The following PLA2G4E variants were observed in gnomAD, a reference collection of about 807,000 sequenced individuals.
PLA2G4E encodes the protein cytosolic phospholipase A2 epsilon.
A neutral mutation model predicts 109.1 loss-of-function variants in PLA2G4E; 84 were observed. The ratio of observed to expected loss-of-function variants is 0.77; its 90% confidence interval spans 0.65 to 0.92. PLA2G4E has a LOEUF of 0.92. PLA2G4E is among the 40% of genes least tolerant of loss of function. The pLI, the probability that PLA2G4E is intolerant of heterozygous loss-of-function variation, is 0.00. For synonymous variants in PLA2G4E, 469 were observed against 436.1 expected (o/e 1.08, Z -0.94); for missense variants, 1,057 against 1,076.6 (o/e 0.98, Z 0.25).
At chr15:41,987,069 T>C (rs1032940908) in intron 17 of PLA2G4E, 103 bp downstream of exon 17, 17 of 1,225,668 alleles carry the variant, frequency 1.4e-5, no homozygotes, top group Non-Finnish European at 1.9e-5. Flanking sequence ...CCAGTGAACA[T>C]AGCCAGAGAA....
intron 5 of PLA2G4E, among the ~76,000 whole-genome samples, chr15:42,003,821 C>T (rs2068444552): frequency 6.6e-6 from 1 of 152,230 alleles, no homozygotes; most frequent in Non-Finnish European, 1.5e-5. Context: ...GAACAAGCTG[C>T]CCAGTTACAG....
intron 1 of PLA2G4E, among the ~76,000 whole-genome samples, chr15:42,038,518 C>T (rs1393441084): frequency 3.3e-5 from 5 of 152,214 alleles, no homozygotes; most frequent in Non-Finnish European, 5.9e-5. Context: ...CTTGCATAGG[C>T]AGTTCAGAAT....
rs368387173 is a variant in PLA2G4E at position 41,984,639 on chromosome 15, G to C, written c.2203-20C>G. On this transcript the variant is annotated intron_variant, in intron 18 of 19. Coordinates refer to ENST00000399518, the Ensembl canonical transcript of PLA2G4E. ...CAGGGGCTGGAACAGCACAGAGGGC[G>C]TGTTTGAGCATTAGGAGGAGTGGGA... 5.8e-6 allele frequency: 9 copies of C among 1,555,336 alleles called. No homozygotes were observed. In the African/African-American group the frequency reaches 1.2e-4, roughly 21 times the overall value.
intron 1 of PLA2G4E, among the ~76,000 whole-genome samples, chr15:42,024,983 G>A (rs1200968020): frequency 6.6e-6 from 1 of 152,014 alleles, no homozygotes; most frequent in African/African-American, 2.4e-5. Context: ...GGTGGATCAC[G>A]AGGTCAGGAG....
chr15:42,019,028 A>G (rs2068622980), intron 1 of PLA2G4E, among the ~76,000 whole-genome samples: 1 of 152,182 alleles, frequency 6.6e-6, no homozygotes, highest in African/African-American at 2.4e-5. Context: ...GGAAGGCATC[A>G]TTATCCCTGC....
rs560472544 is a variant in PLA2G4E at position 42,043,386 on chromosome 15, G to A, written c.183+7135C>T. Among the ~76,000 whole-genome samples, 5 of 152,064 alleles carry A rather than the reference G, an allele frequency of 3.3e-5. No homozygotes were observed. In the East Asian group the frequency reaches 5.8e-4, roughly 18 times the overall value. ...GAGGAAGGTGGGCCTGTGGGCACCC[G>A]TAGGTCAGGACCTGTGGGTGGCCAT... is the stretch of plus-strand genomic sequence containing the variant. On this transcript the variant is annotated intron_variant, in intron 1 of 19. Coordinates refer to ENST00000399518, the Ensembl canonical transcript of PLA2G4E.
chr15:42,013,762 G>A lies in PLA2G4E; in HGVS notation c.184-5C>T, dbSNP rs2068561502. On this transcript the variant is annotated splice_region_variant and splice_polypyrimidine_tract_variant and intron_variant, in intron 1 of 19. Transcript: ENST00000399518. ...GTGGCATGGAGACAGCCCCTCCTGT[G>A]GAAGGAGAGGACAGAGGACTCAGTC... 6.5e-7 allele frequency: 1 copy of A among 1,549,192 alleles called. No homozygotes were observed.
intron 5 of PLA2G4E, among the ~76,000 whole-genome samples, chr15:42,003,901 C>A (rs2068446595): frequency 6.6e-6 from 1 of 151,984 alleles, no homozygotes; most frequent in African/African-American, 2.4e-5. Context: ...CCTTTCCTTG[C>A]TTTCCTTCCT....
At chr15:42,008,257 A>G (rs2141050751) in intron 2 of PLA2G4E, among the ~76,000 whole-genome samples, 1 of 152,346 alleles carries the variant, frequency 6.6e-6, no homozygotes, top group South Asian at 2.1e-4. Context: ...GGGACCAGGA[A>G]AACCAAAGTA....
At chr15:42,033,744 C>T (rs938433093) in intron 1 of PLA2G4E, among the ~76,000 whole-genome samples, 5 of 152,204 alleles carry the variant, frequency 3.3e-5, no homozygotes, top group African/African-American at 4.8e-5. Context: ...AGAGCCACCA[C>T]CTGGCACCCT....
chr15:41,989,518 C>G (rs373229010), exon 15 of PLA2G4E: 8 of 1,613,760 alleles, frequency 5.0e-6, no homozygotes, highest in Non-Finnish European at 6.8e-6. Flanking sequence ...CATACTTCTG[C>G]AGGCCCACCT....
At chr15:42,047,488 C>A (rs1257099832) in intron 1 of PLA2G4E, among the ~76,000 whole-genome samples, 4 of 152,208 alleles carry the variant, frequency 2.6e-5, no homozygotes, top group Non-Finnish European at 2.9e-5. Flanking sequence ...ATGAGGGCAG[C>A]AGCCTCATGA....
chr15:42,030,726 T>C (rs1889098452), intron 1 of PLA2G4E, among the ~76,000 whole-genome samples: 1 of 152,252 alleles, frequency 6.6e-6, no homozygotes, highest in South Asian at 2.1e-4. Flanking sequence ...TCAGCCCAAG[T>C]AACCACTCAT....
Position 42,029,963 on chromosome 15 carries a change from G to A in PLA2G4E, c.184-16206C>T, listed in dbSNP as rs552689249. 7.9e-5 allele frequency among the ~76,000 whole-genome samples: 12 copies of A among 152,290 alleles called. No homozygotes were observed. The East Asian group carries it at 2.3e-3, about 29-fold the overall frequency. ...CAATCACGTCATATATGAGAAGAGA[G>A]GTAAAAATAAGCTGCTCAGAGAGCT... On this transcript the variant is annotated intron_variant, in intron 1 of 19. Transcript: ENST00000399518.
At chr15:42,033,980 C>T (rs1430403760) in intron 1 of PLA2G4E, among the ~76,000 whole-genome samples, 1 of 152,112 alleles carries the variant, frequency 6.6e-6, no homozygotes, top group Non-Finnish European at 1.5e-5. Context: ...AGTTCAAGTC[C>T]TTTTTCCGGT....
intron 18 of PLA2G4E, 114 bp from the exon 19 acceptor site, chr15:41,984,733 A>G (rs2068113524): frequency 3.0e-6 from 3 of 1,014,950 alleles, no homozygotes; most frequent in South Asian, 2.6e-5. Flanking sequence ...CAGCTCCCCA[A>G]CTGCTTTGCC....
exon 14 of PLA2G4E, chr15:41,990,132 T>C (rs527930452): frequency 3.6e-5 from 58 of 1,613,162 alleles, no homozygotes; most frequent in Non-Finnish European, 4.7e-5. Flanking sequence ...TCTGAAGTCC[T>C]GGTTGCTTAC....
chr15:42,015,706 G>T (rs2068587019), intron 1 of PLA2G4E, among the ~76,000 whole-genome samples: 1 of 152,230 alleles, frequency 6.6e-6, no homozygotes, highest in Non-Finnish European at 1.5e-5. Flanking sequence ...ACAGGCTGTT[G>T]CTTTCCAGGC....
At chr15:42,016,411 C>T (rs1487519247) in intron 1 of PLA2G4E, among the ~76,000 whole-genome samples, 1 of 151,838 alleles carries the variant, frequency 6.6e-6, no homozygotes, top group Non-Finnish European at 1.5e-5. Flanking sequence ...TATCTTGGCT[C>T]ACTGCAACCT....
Sources: gnomAD v4.1 joint callset for allele counts (sites outside exome capture counted in the v4.1 genomes callset) on GRCh38, gnomAD v4.1.1 for gene constraint, MANE v1.5 for transcripts, NCBI Gene and HGNC (gene_info 2026-07-23, HGNC 2026-07-21) for gene names.